Variants in PPP4R1 observed in about 807,000 individuals in gnomAD.
PPP4R1 encodes the protein serine/threonine-protein phosphatase 4 regulatory subunit 1.
A neutral mutation model predicts 111.2 loss-of-function variants in PPP4R1; 42 were observed. That is an observed-to-expected ratio of 0.38 (90% CI 0.29 to 0.49). The LOEUF (loss-of-function observed/expected upper bound fraction) is 0.49, where lower values mean the gene tolerates loss of function less well. PPP4R1 is among the 20% of genes least tolerant of loss of function. The pLI, the probability that PPP4R1 is intolerant of heterozygous loss-of-function variation, is 0.97. For synonymous variants in PPP4R1, 409 were observed against 405.5 expected, an observed-to-expected ratio of 1.01 and a Z score of -0.10; for missense variants, 1,012 against 1,161.6, an observed-to-expected ratio of 0.87 and a Z score of 1.87.
chr18:9,615,951 CTG>C (rs963263059), upstream of PPP4R1, among the ~76,000 whole-genome samples: 27 of 152,164 alleles, frequency 1.8e-4, no homozygotes, highest in African/African-American at 6.5e-4. Context: ...AGATTATAAT[CTG>C]TATGAAATTT....
intron 16 of PPP4R1, 111 bp from the exon 17 acceptor site, chr18:9,550,509 A>C: frequency 7.9e-7 from 1 of 1,258,376 alleles, no homozygotes; most frequent in Non-Finnish European, 1.1e-6. Context: ...CCTGTCTCAA[A>C]CATACGCAAA....
chr18:9,582,996 C>T (rs1368022021), intron 9 of PPP4R1, 121 bp downstream of exon 9: 1 of 982,670 alleles, frequency 1.0e-6, no homozygotes, highest in Admixed American at 3.7e-5. Flanking sequence ...CTGTCTATTC[C>T]TAAAAGTATA....
At chr18:9,596,882 TAAAG>T (rs2067298739) in intron 2 of PPP4R1, among the ~76,000 whole-genome samples, 1 of 152,186 alleles carries the variant, frequency 6.6e-6, no homozygotes, top group Non-Finnish European at 1.5e-5. Flanking sequence ...CTTCTGTACT[TAAAG>T]AACACTTAAA....
Position 9,570,535 on chromosome 18 carries a change from T to A in PPP4R1, c.1195A>T (p.Ser399Cys). 1 of 1,614,228 alleles carries A rather than the reference T, an allele frequency of 6.2e-7. No homozygotes were observed. The highest frequency in any genetic ancestry group is 8.5e-7 in the Non-Finnish European group (1 of 1,180,046). The change falls in exon 11 of 20, where the codon AGT (serine) becomes TGT (cysteine). Residue 399 changes from serine (S) to cysteine (C), a missense_variant. This residue lies in a region of PPP4R1 where 707 missense variants were observed against 742.1 expected (regional missense o/e 0.95). Coordinates refer to ENST00000400556, the MANE Select transcript of PPP4R1 (RefSeq NM_001042388.3). ...AGTAAAGAGCTGTCCAGTGGAACAC[T>A]AATTTCACCTAGAGGCTTCCCGGAT... ...EASGKPLGEI[S>C]VPLDSSLLCT...
chr18:9,588,639 C>T, intron 5 of PPP4R1, 72 bp downstream of exon 5: 1 of 1,385,580 alleles, frequency 7.2e-7, no homozygotes, highest in Non-Finnish European at 9.8e-7. Flanking sequence ...AAAGAGAACA[C>T]TTAGGCTCGG....
chr18:9,570,040 G>C, intron 11 of PPP4R1, 117 bp downstream of exon 11: 1 of 1,120,606 alleles, frequency 8.9e-7, no homozygotes, highest in South Asian at 2.1e-5. Flanking sequence ...ATGAGTCACT[G>C]TGCCCAGTCC....
chr18:9,568,052 TG>T lies in PPP4R1; in HGVS notation c.1573+2104del, dbSNP rs1286534135. The stretch of plus-strand genomic sequence containing the variant: ...CACAACTTTTATAAAATTCTGAGAC[TG>T]GGTCTTACTCTCTCACCCAGGCTGG... On this transcript the variant is annotated intron_variant, in intron 11 of 19. Transcript: ENST00000400556. Among the ~76,000 whole-genome samples the T allele has an allele frequency of 2.0e-5, 3 of 152,202 alleles. No homozygotes were observed. The South Asian group carries it at 6.2e-4, about 32-fold the overall frequency.
chr18:9,571,960 AG>A (rs533102380), intron 10 of PPP4R1, among the ~76,000 whole-genome samples: 1 of 152,258 alleles, frequency 6.6e-6, no homozygotes, highest in Non-Finnish European at 1.5e-5. Flanking sequence ...GATAGGAGGC[AG>A]GAATTACAGA....
In PPP4R1 at chr18:9,559,542, C is replaced by T. The variant is rs2066640319; in HGVS notation, c.1905G>A (p.Gln635=). The change falls in exon 14 of 20, where the codon CAG becomes CAA. Residue 635 remains glutamine, a synonymous_variant. Transcript: ENST00000400556. ...GCTTAGCAATTTCAGTGTCAACCGT[C>T]TGTGCACGAGAAGGGTCAGTCATAG... is the stretch of plus-strand genomic sequence containing the variant. ...YLSMTDPSRA[Q]TVDTEIAKHC... 6.2e-7 allele frequency: 1 copy of T among 1,613,684 alleles called. No homozygotes were observed. The highest frequency in any genetic ancestry group is 8.5e-7 in the Non-Finnish European group (1 of 1,179,696).
At chr18:9,580,162 T>C (rs1297623193) in intron 9 of PPP4R1, among the ~76,000 whole-genome samples, 1 of 152,202 alleles carries the variant, frequency 6.6e-6, no homozygotes, top group Non-Finnish European at 1.5e-5. Flanking sequence ...GCAAAGGTCC[T>C]GAGATTGATC....
chr18:9,562,058 A>G lies in PPP4R1; in HGVS notation c.1764T>C (p.Leu588=). 6.2e-7 allele frequency: 1 copy of G among 1,611,458 alleles called. No individual in the cohort carries two copies. The highest frequency in any genetic ancestry group is 8.5e-7 in the Non-Finnish European group (1 of 1,177,820). The part of the protein sequence containing the change: ...SDAVENMDST[L]HYIHSDSDLS... ...AGTCTGAATCGCTGTGAATATAGTG[A>G]AGAGTGGAGTCCATATTCTGTTAGG... The change falls in exon 13 of 20, where the codon CTT becomes CTC. Residue 588 remains leucine (L), a synonymous_variant. Transcript: ENST00000400556.
intron 4 of PPP4R1, among the ~76,000 whole-genome samples, chr18:9,592,437 C>T (rs550502669): frequency 2.0e-5 from 3 of 152,198 alleles, no homozygotes; most frequent in Non-Finnish European, 2.9e-5. Context: ...CTGAAGCCTG[C>T]CCCGATCCTT....
In PPP4R1 at chr18:9,547,616, T is replaced by C; in HGVS notation, c.*173A>G. ...AGATAATAGTGTTTACTGTACTTTC[T>C]CTTGACTCTTGAAATCCCTGGTATT... On this transcript the variant is annotated 3_prime_UTR_variant, in exon 20 of 20. Coordinates refer to ENST00000400556, the MANE Select transcript of PPP4R1 (RefSeq NM_001042388.3). The C allele has an allele frequency of 1.5e-6, 1 of 655,650 alleles. No individual in the cohort carries two copies. Among genetic ancestry groups the C allele is most frequent in the Non-Finnish European group, 2.6e-6 (1 of 383,624 alleles). The allele number at this position is 655,650 out of a possible 1,614,324, so 40.6% of individuals were successfully genotyped here. A position where few individuals can be genotyped will look rare whatever the true frequency, so the allele number is the denominator to read the frequency against.
At chr18:9,617,085 T>C (rs1256263618), upstream of PPP4R1, 1 of 152,218 alleles carries the variant, frequency 6.6e-6, no homozygotes, top group Non-Finnish European at 1.5e-5. Flanking sequence ...AGAAATAATA[T>C]TTAAACAAAT....
At position 9,614,486 on chromosome 18, in the gene PPP4R1, T is replaced by G; in HGVS notation, c.-2A>C. 9.7e-7 allele frequency: 1 copy of G among 1,030,316 alleles called. No individual in the cohort carries two copies. 63.8% of individuals were successfully genotyped at this position (1,030,316 alleles called of 1,614,324 possible). On this transcript the variant is annotated 5_prime_UTR_variant, in exon 1 of 20. Transcript: ENST00000400556. The surrounding 1 kb of genome is among the most constrained non-coding windows in gnomAD (Gnocchi z 4.1). Reference sequence around the variant, plus strand: ...AACAGGGGGCCACGTACCCGCCATCTTGTGGTCGCCCCCTCCTCCGCGGCC... The same window carrying G: ...AACAGGGGGCCACGTACCCGCCATCGTGTGGTCGCCCCCTCCTCCGCGGCC...
At chr18:9,596,168 A>C (rs2067286722) in intron 2 of PPP4R1, among the ~76,000 whole-genome samples, 1 of 152,250 alleles carries the variant, frequency 6.6e-6, no homozygotes, top group Admixed American at 6.5e-5. Flanking sequence ...GTTTAAAAGA[A>C]GACAGAGTTG....
At chr18:9,548,059 A>C in intron 19 of PPP4R1, 107 bp from the exon 20 acceptor site, 1 of 1,154,212 alleles carries the variant, frequency 8.7e-7, no homozygotes, top group Non-Finnish European at 1.2e-6. Context: ...CTACAAGTAC[A>C]AACAAGCCAC....
At chr18:9,563,641 T>C in intron 11 of PPP4R1, 91 bp from the exon 12 acceptor site, 3 of 1,193,374 alleles carry the variant, frequency 2.5e-6, no homozygotes, top group Non-Finnish European at 3.4e-6. Context: ...ACGTTATCAA[T>C]GAAATATATA....
At chr18:9,549,720 T>C (rs1344283742) in intron 18 of PPP4R1, 31 of 483,278 alleles carry the variant, frequency 6.4e-5, no homozygotes, top group Admixed American at 3.4e-5. Context: ...GGAACATGCA[T>C]GTATGTGCAC....
Sources: gnomAD v4.1 joint callset for allele counts (sites outside exome capture counted in the v4.1 genomes callset) on GRCh38, gnomAD v4.1.1 for gene constraint, gnomAD v4.1.1 regional missense constraint, Gnocchi (gnomAD v3.1) non-coding constraint, MANE v1.5 for transcripts, NCBI Gene and HGNC (gene_info 2026-07-23, HGNC 2026-07-21) for gene names.